DPP10: variants seen among roughly 807,000 people sequenced by gnomAD.
DPP10 encodes dipeptidyl peptidase like 10, also known as inactive dipeptidyl peptidase 10.
In DPP10, 33 loss-of-function variants were observed where a neutral mutation model predicts 120.9. That is an observed-to-expected ratio of 0.27 (90% CI 0.21 to 0.37). The LOEUF is 0.37. Among genes scored for constraint, DPP10 ranks in the 10% least tolerant of loss-of-function variants. The pLI, the probability that DPP10 is intolerant of heterozygous loss-of-function variation, is 1.00. For synonymous variants in DPP10, 337 were observed against 326.1 expected (o/e 1.03, Z -0.36); for missense variants, 816 against 942.8 (o/e 0.87, Z 1.76).
At chr2:114,819,413 C>A (rs922942640) in intron 1 of DPP10, among the ~76,000 whole-genome samples, 1 of 152,032 alleles carries the variant, frequency 6.6e-6, no homozygotes, top group Non-Finnish European at 1.5e-5. Flanking sequence ...GTCCCTAAAG[C>A]CCTCTAAAGT....
chr2:114,831,585 T>A (rs941320280), intron 1 of DPP10, among the ~76,000 whole-genome samples: 3 of 152,106 alleles, frequency 2.0e-5, no homozygotes, highest in Admixed American at 2.0e-4. Flanking sequence ...GGAAGATCAT[T>A]TGGGAAAGCT....
At chr2:114,460,122 T>G (rs941855499) in intron 1 of DPP10, among the ~76,000 whole-genome samples, 2 of 152,198 alleles carry the variant, frequency 1.3e-5, no homozygotes, top group Non-Finnish European at 2.9e-5. Flanking sequence ...AATAGAGTAC[T>G]TTACTTTCTG....
chr2:115,776,869 T>C (rs1447579162), intron 13 of DPP10, among the ~76,000 whole-genome samples: 1 of 152,094 alleles, frequency 6.6e-6, no homozygotes, highest in Non-Finnish European at 1.5e-5. Context: ...AATGTTTTTT[T>C]TTTTTAAAGC....
chr2:115,280,013 G>A (rs2060094111), intron 1 of DPP10, among the ~76,000 whole-genome samples: 1 of 152,110 alleles, frequency 6.6e-6, no homozygotes. Context: ...CCCAGTGGGA[G>A]AAGGTTGCTT....
chr2:115,343,172 A>G (rs1458921825), intron 2 of DPP10, among the ~76,000 whole-genome samples: 1 of 152,170 alleles, frequency 6.6e-6, no homozygotes, highest in African/African-American at 2.4e-5. Context: ...CATTTCTTAT[A>G]TTTTGGAATG....
rs138059582 is a variant in DPP10 at position 115,134,345 on chromosome 2, T to C, written c.61-174894T>C. 3.9e-3 allele frequency among the ~76,000 whole-genome samples: 601 copies of C among 152,228 alleles called. 7 individuals are homozygous for C. Among genetic ancestry groups the C allele is most frequent in the African/African-American group, 0.014 (575 of 41,538 alleles). On this transcript the variant is annotated intron_variant, in intron 1 of 25. Coordinates refer to ENST00000410059, the MANE Select transcript of DPP10 (RefSeq NM_020868.6). ...AGAGTAACTATTTGGACCCATTCTT[T>C]GGGGTTGAGGAATGGAGGTGATAGT...
At chr2:115,559,256 A>G (rs1346521564) in intron 5 of DPP10, among the ~76,000 whole-genome samples, 3 of 152,192 alleles carry the variant, frequency 2.0e-5, no homozygotes, top group Non-Finnish European at 4.4e-5. Context: ...TGAAAGCCAT[A>G]TGAAAGGCAG....
At chr2:115,277,636 A>G (rs978676584) in intron 1 of DPP10, among the ~76,000 whole-genome samples, 1 of 151,954 alleles carries the variant, frequency 6.6e-6, no homozygotes, top group Non-Finnish European at 1.5e-5. Context: ...TTCTAGTTAT[A>G]CATCTATACT....
At chr2:114,945,556 T>A (rs1255412388) in intron 1 of DPP10, among the ~76,000 whole-genome samples, 1 of 152,182 alleles carries the variant, frequency 6.6e-6, no homozygotes, top group Non-Finnish European at 1.5e-5. Flanking sequence ...GGCTCAATCC[T>A]GTAATCCCAG....
intron 3 of DPP10, among the ~76,000 whole-genome samples, chr2:115,456,201 A>T (rs1291816870): frequency 1.3e-5 from 2 of 152,206 alleles, no homozygotes; most frequent in Non-Finnish European, 2.9e-5. Context: ...CATCAAACAT[A>T]TGAAAAAAAG....
intron 1 of DPP10, among the ~76,000 whole-genome samples, chr2:114,819,286 T>C (rs1685892734): frequency 1.3e-5 from 2 of 151,948 alleles, no homozygotes; most frequent in Admixed American, 6.6e-5. Flanking sequence ...AAAATTCAAG[T>C]TGATTTCAGT....
intron 1 of DPP10, among the ~76,000 whole-genome samples, chr2:114,706,399 G>T (rs1295133282): frequency 6.6e-6 from 1 of 152,158 alleles, no homozygotes; most frequent in South Asian, 2.1e-4. Flanking sequence ...CAAAAATAAA[G>T]GTGTGAACAG....
intron 3 of DPP10, among the ~76,000 whole-genome samples, chr2:115,403,349 C>T (rs1055817784): frequency 1.4e-5 from 2 of 147,562 alleles, no homozygotes; most frequent in Non-Finnish European, 3.0e-5. Flanking sequence ...ACGATGCTCA[C>T]TGTCACTACT....
At chr2:114,442,873 G>T (rs775118360) in intron 1 of DPP10, 35 bp downstream of exon 1, 2 of 1,611,728 alleles carry the variant, frequency 1.2e-6, no homozygotes, top group Non-Finnish European at 1.7e-6. Context: ...TTCTGCACAT[G>T]TGTCTTCATT....
At chr2:114,852,438 CT>C (rs985123299) in intron 1 of DPP10, among the ~76,000 whole-genome samples, 3 of 151,832 alleles carry the variant, frequency 2.0e-5, no homozygotes, top group Middle Eastern at 3.2e-3. Flanking sequence ...CATATAGAGA[CT>C]TTTTTCTTGT....
chr2:115,050,570 T>C (rs1379793801), intron 1 of DPP10, among the ~76,000 whole-genome samples: 1 of 151,988 alleles, frequency 6.6e-6, no homozygotes, highest in African/African-American at 2.4e-5. Flanking sequence ...AAAAAATAGA[T>C]TAATTAAAAG....
chr2:115,521,459 T>G (rs2148879947), intron 4 of DPP10, among the ~76,000 whole-genome samples: 1 of 152,322 alleles, frequency 6.6e-6, no homozygotes, highest in African/African-American at 2.4e-5. Flanking sequence ...TTCGAATGTC[T>G]AAAACTTTCC....
intron 1 of DPP10, among the ~76,000 whole-genome samples, chr2:115,052,977 T>C (rs1292618721): frequency 6.8e-6 from 1 of 147,722 alleles, no homozygotes; most frequent in Admixed American, 6.8e-5. Flanking sequence ...AAGGAAAATA[T>C]TAAGTGTTGG....
intron 3 of DPP10, among the ~76,000 whole-genome samples, chr2:115,417,431 T>C (rs1195452304): frequency 2.0e-5 from 3 of 152,210 alleles, no homozygotes; most frequent in African/African-American, 7.2e-5. Flanking sequence ...GGTTATCTTA[T>C]ATACATGTTG....
Sources: allele counts gnomAD v4.1 joint callset (sites outside exome capture counted in the v4.1 genomes callset), GRCh38; gene constraint gnomAD v4.1.1; transcripts MANE v1.5; gene names NCBI Gene and HGNC (gene_info 2026-07-23, HGNC 2026-07-21).